Variants in SUGP2 observed in about 807,000 individuals in gnomAD.
SUGP2 encodes SURP and G-patch domain containing 2.
Under a neutral mutation model 90.5 loss-of-function variants are expected in SUGP2, and 24 were observed. The observed-to-expected ratio is 0.27, with a 90% confidence interval of 0.19 to 0.37. SUGP2 has a LOEUF of 0.37. Ranked by LOEUF, SUGP2 falls within the 10% of genes least tolerant of loss-of-function variation. The pLI is 1.00. For missense variants in SUGP2, 1,233 were observed against 1,363.3 expected, an observed-to-expected ratio of 0.90 and a Z score of 1.51; for synonymous variants, 473 against 513.4, an observed-to-expected ratio of 0.92 and a Z score of 1.06.
intron 4 of SUGP2, among the ~76,000 whole-genome samples, chr19:19,012,095 G>A (rs1425773539): frequency 2.0e-5 from 3 of 152,202 alleles, no homozygotes; most frequent in Non-Finnish European, 4.4e-5. Context: ...TCCCTGGCAG[G>A]CAGCTCCATA....
rs1332019904 is a variant in SUGP2 at position 18,991,418 on chromosome 19, G to C, written c.*2323C>G. On this transcript the variant is annotated 3_prime_UTR_variant, in exon 11 of 11. Transcript: ENST00000452918. ...GAGGTGTCCTCTGAGAGTGTAGGGG[G>C]CTTTCTAGGTTCAAGGAGATGTGCC... 6.6e-6 allele frequency: 1 copy of C among 152,210 alleles called. No individual in the cohort carries two copies. The highest frequency in any genetic ancestry group is 1.5e-5 in the Non-Finnish European group (1 of 68,050). The allele number at this position is 152,210 out of a possible 1,614,324, so 9.4% of individuals were successfully genotyped here. A position where few individuals can be genotyped will look rare whatever the true frequency, so the allele number is the denominator to read the frequency against.
At chr19:19,002,009 A>G (rs1430309884) in intron 7 of SUGP2, among the ~76,000 whole-genome samples, 2 of 152,230 alleles carry the variant, frequency 1.3e-5, no homozygotes, top group African/African-American at 4.8e-5. Context: ...CCATGACTAC[A>G]GAAATATATT....
intron 6 of SUGP2, 141 bp from the exon 7 acceptor site, chr19:19,004,787 G>A (rs2057996904): frequency 3.1e-6 from 2 of 653,978 alleles, no homozygotes; most frequent in Non-Finnish European, 2.6e-6. Flanking sequence ...CGCGGCTATG[G>A]CTTGATGGTG....
At position 19,025,232 on chromosome 19, in the gene SUGP2, G is replaced by T. The variant is rs2058874247; in HGVS notation, c.1116C>A (p.Ser372=). Reference sequence around the variant, plus strand: ...AAAAATCTCTGTGCTCTGGTTTTAAGGAACATTTGAATGAGGCAAGCATTT... The same window carrying T: ...AAAAATCTCTGTGCTCTGGTTTTAATGAACATTTGAATGAGGCAAGCATTT... ...CAKMLASFKC[S]LKPEHRDFCF... is the part of the protein sequence containing the mutation. Residue 372 remains serine (S), a synonymous_variant, in exon 3 of 11, where the codon TCC becomes TCA. Transcript: ENST00000452918. 1 of 1,613,162 alleles carries T rather than the reference G, an allele frequency of 6.2e-7. No individual in the cohort carries two copies. The highest frequency in any genetic ancestry group is 8.5e-7 in the Non-Finnish European group (1 of 1,180,016).
At chr19:19,003,500 G>C (rs1047701469) in intron 7 of SUGP2, 5 of 152,280 alleles carry the variant, frequency 3.3e-5, no homozygotes, top group African/African-American at 1.2e-4. Flanking sequence ...GAATACCTGG[G>C]GCTTGGAAAA....
intron 9 of SUGP2, 112 bp from the exon 10 acceptor site, chr19:18,994,598 T>A (rs2057498636): frequency 2.1e-6 from 3 of 1,402,062 alleles, no homozygotes; most frequent in African/African-American, 2.9e-5. Flanking sequence ...GGACACACAC[T>A]GAGACATCAA....
intron 2 of SUGP2, among the ~76,000 whole-genome samples, chr19:19,029,166 G>C (rs1485563923): frequency 2.0e-5 from 3 of 151,542 alleles, no homozygotes; most frequent in African/African-American, 4.9e-5. Context: ...TTTTGAGACG[G>C]AGTCTTGCTC....
Position 19,033,202 on chromosome 19 carries a change from C to T in SUGP2, c.-12+235G>A, listed in dbSNP as rs907436760. 9.4e-5 allele frequency: 24 copies of T among 254,946 alleles called. No homozygotes were observed. In the East Asian group the frequency reaches 3.1e-3, roughly 33 times the overall value. 15.8% of individuals were successfully genotyped at this position (254,946 alleles called of 1,614,324 possible). ...ATGAATGAACGACTGAACCAATGAG[C>T]CTTTGTGGACGCGGCCCGCCGTCTC... On this transcript the variant is annotated intron_variant, in intron 1 of 10. Transcript: ENST00000452918.
At chr19:19,021,793 A>C (rs2058738038) in intron 3 of SUGP2, among the ~76,000 whole-genome samples, 2 of 151,800 alleles carry the variant, frequency 1.3e-5, no homozygotes, top group African/African-American at 2.4e-5. Context: ...CAGCTTCCCA[A>C]GTAGCTGGGA....
upstream of SUGP2, chr19:19,033,776 G>C (rs2059294999): frequency 4.0e-6 from 1 of 248,964 alleles, no homozygotes. Context: ...GTTCGCGGTC[G>C]TCCTTGGTTA....
chr19:19,025,602 T>C lies in SUGP2; in HGVS notation c.746A>G (p.Asn249Ser), dbSNP rs756253962. Reference protein sequence around the residue: ...GGVGKLVTLRNVSTKKIPTVN... With the variant: ...GGVGKLVTLRSVSTKKIPTVN... ...GGTGGGTATTTTTTTTGTGCTCACA[T>C]TTCTCAATGTGACAAGTTTCCCAAC... The change falls in exon 3 of 11, where the codon AAT (asparagine) becomes AGT (serine). Residue 249 changes from asparagine to serine, a missense_variant. Physicochemically the swap from Asn to Ser is conservative, Grantham distance 46. This residue lies in a region of SUGP2 where 418 missense variants were observed against 399.9 expected (regional missense o/e 1.05). Coordinates refer to ENST00000452918, the MANE Select transcript of SUGP2 (RefSeq NM_001017392.5). The C allele has an allele frequency of 2.5e-6, 4 of 1,613,932 alleles. No homozygotes were observed. The African/African-American group carries it at 4.0e-5, about 16-fold the overall frequency.
At position 19,008,309 on chromosome 19, in the gene SUGP2, G is replaced by T. The variant is rs754222986; in HGVS notation, c.2450+8C>A. 10 of 1,604,394 alleles carry T rather than the reference G, an allele frequency of 6.2e-6. No homozygotes were observed. The highest frequency in any genetic ancestry group is 3.3e-5 in the Admixed American group (2 of 59,990). ...AAAAGGTGTGATGAGACCCGGGGGG[G>T]TACGTACCACAGGTCAGGGTTATCG... On this transcript the variant is annotated splice_region_variant and intron_variant, in intron 6 of 10. Coordinates refer to ENST00000452918, the MANE Select transcript of SUGP2 (RefSeq NM_001017392.5).
At position 19,025,946 on chromosome 19, in the gene SUGP2, C is replaced by G; in HGVS notation, c.402G>C (p.Gln134His). ...AACCACGGAGCGCAAATTTCCAGTC[C>G]TGAGAACGGAAATGCCCCAATTTCC... ...GHRKLGHFRS[Q>H]DWKFALRGSW... is the part of the protein sequence containing the mutation. Residue 134 changes from glutamine (Q) to histidine (H), a missense_variant, in exon 3 of 11, where the codon CAG (glutamine) becomes CAC (histidine). By Grantham distance (24) the Gln-to-His change is conservative. Around this residue, in one of 8 missense-constraint regions of SUGP2, gnomAD observed 418 missense variants for 399.9 expected, o/e 1.05. Coordinates refer to ENST00000452918, the MANE Select transcript of SUGP2 (RefSeq NM_001017392.5). 1 of 1,614,154 alleles carries G rather than the reference C, an allele frequency of 6.2e-7. No individual in the cohort carries two copies. The highest frequency in any genetic ancestry group is 8.5e-7 in the Non-Finnish European group (1 of 1,180,030).
intron 7 of SUGP2, 87 bp from the exon 8 acceptor site, chr19:19,001,761 C>G (rs1486080532): frequency 7.2e-7 from 1 of 1,390,184 alleles, no homozygotes; most frequent in Admixed American, 1.7e-5. Context: ...TCTATTTTGG[C>G]TAACAGTTCT....
At chr19:19,006,215 GT>G (rs1378269138) in intron 6 of SUGP2, among the ~76,000 whole-genome samples, 1 of 108,814 alleles carries the variant, frequency 9.2e-6, no homozygotes, top group African/African-American at 3.2e-5. Flanking sequence ...GTGAAATTCC[GT>G]CTCAAAAATA....
At chr19:19,014,534 T>C (rs2058422867) in intron 4 of SUGP2, among the ~76,000 whole-genome samples, 1 of 151,866 alleles carries the variant, frequency 6.6e-6, no homozygotes, top group African/African-American at 2.4e-5. Context: ...CTGGACATGA[T>C]GGCTCATGCC....
At chr19:19,000,253 C>A (rs757177423) in intron 8 of SUGP2, among the ~76,000 whole-genome samples, 1 of 152,272 alleles carries the variant, frequency 6.6e-6, no homozygotes, top group African/African-American at 2.4e-5. Context: ...TTCTCCTCAG[C>A]TCCTCCAGGC....
At chr19:19,023,434 C>A (rs988354826) in intron 3 of SUGP2, among the ~76,000 whole-genome samples, 2 of 152,138 alleles carry the variant, frequency 1.3e-5, no homozygotes, top group Admixed American at 1.3e-4. Flanking sequence ...CTCAAGCAAT[C>A]CTCCCTCCTC....
intron 5 of SUGP2, among the ~76,000 whole-genome samples, chr19:19,008,831 C>T (rs565195779): frequency 3.9e-5 from 6 of 152,362 alleles, no homozygotes; most frequent in African/African-American, 1.4e-4. Flanking sequence ...ACACCTGCCA[C>T]TGACCGCAGA....
Sources: gnomAD v4.1 joint callset for allele counts (sites outside exome capture counted in the v4.1 genomes callset) on GRCh38, gnomAD v4.1.1 for gene constraint, gnomAD v4.1.1 regional missense constraint, MANE v1.5 for transcripts, NCBI Gene and HGNC (gene_info 2026-07-23, HGNC 2026-07-21) for gene names.